The following SMAD4 variants were observed in gnomAD, a reference collection of about 807,000 sequenced individuals.
SMAD4 encodes SMAD family member 4.
Under a neutral mutation model 63.2 loss-of-function variants are expected in SMAD4, and 7 were observed. The ratio of observed to expected loss-of-function variants is 0.11; its 90% CI spans 0.06 to 0.21. The LOEUF (loss-of-function observed/expected upper bound fraction) is 0.21, where lower values mean the gene tolerates loss of function less well. Among genes scored for constraint, SMAD4 ranks in the 10% least tolerant of loss-of-function variants. SMAD4 has a pLI of 1.00. For synonymous variants in SMAD4, 215 were observed against 235.4 expected (o/e 0.91, Z 0.79); for missense variants, 312 against 693.8 (o/e 0.45, Z 6.18).
rs183888078 is a variant in SMAD4 at position 51,058,833 on chromosome 18, A to G, written c.904+377A>G. 2.0e-4 allele frequency among the ~76,000 whole-genome samples: 30 copies of G among 152,310 alleles called. No individual in the cohort carries two copies. In the East Asian group the frequency reaches 5.8e-3, roughly 29 times the overall value. The stretch of plus-strand genomic sequence containing the variant: ...CAAGGTTTCCCTCAGCGTAGTATTC[A>G]GTGTACTTTGGATAATGTTGAATCT... On this transcript the variant is annotated intron_variant, in intron 7 of 11. Coordinates refer to ENST00000342988, the MANE Select transcript of SMAD4 (RefSeq NM_005359.6).
chr18:51,055,548 C>T (rs12453988), intron 5 of SMAD4, among the ~76,000 whole-genome samples: 48,768 of 151,240 alleles, frequency 0.32, 8,498 homozygotes, highest in East Asian at 0.41. Context: ...AAAAGTGTTT[C>T]AGAAAGATCC....
chr18:51,032,582 G>A (rs1024824619), intron 1 of SMAD4, among the ~76,000 whole-genome samples: 5 of 152,028 alleles, frequency 3.3e-5, no homozygotes, highest in African/African-American at 1.2e-4. Flanking sequence ...TTCTTTTTCT[G>A]TATTCCCCTT....
At chr18:51,060,018 A>T in intron 8 of SMAD4, 102 bp downstream of exon 8, 1 of 836,924 alleles carries the variant, frequency 1.2e-6, no homozygotes, top group Non-Finnish European at 2.1e-6. Flanking sequence ...CACTTCTCAG[A>T]TGAGTACAAT....
chr18:51,069,139 C>T (rs766768862), intron 10 of SMAD4, among the ~76,000 whole-genome samples: 7 of 152,112 alleles, frequency 4.6e-5, no homozygotes, highest in Non-Finnish European at 7.4e-5. Flanking sequence ...ATTTTTGAGA[C>T]AGAGTCTTGC....
intron 5 of SMAD4, among the ~76,000 whole-genome samples, chr18:51,056,917 G>C (rs1399216301): frequency 6.6e-6 from 1 of 152,114 alleles, no homozygotes; most frequent in Non-Finnish European, 1.5e-5. Flanking sequence ...GACAATTTTT[G>C]TAAGTTAGCT....
chr18:51,040,047 T>G (rs1271148965), intron 1 of SMAD4, among the ~76,000 whole-genome samples: 1 of 152,222 alleles, frequency 6.6e-6, no homozygotes, highest in Non-Finnish European at 1.5e-5. Context: ...TTTTTTCCTG[T>G]TGGTAAACCT....
Position 51,058,236 on chromosome 18 carries a change from A to C in SMAD4, c.779A>C (p.Tyr260Ser), listed in dbSNP as rs1555685937. 6.2e-7 allele frequency: 1 copy of C among 1,614,220 alleles called. No homozygotes were observed. The highest frequency in any genetic ancestry group is 8.5e-7 in the Non-Finnish European group (1 of 1,180,032). ...QNGFTGQPAT[Y>S]HHNSTTTWTG... ...GGATTTACTGGTCAGCCAGCTACTT[A>C]CCATCATAGTATGTACATACTTTAA... The change falls in exon 6 of 12, where the codon TAC (tyrosine) becomes TCC (serine). Residue 260 changes from tyrosine to serine, a missense_variant. Around this residue, in one of 4 missense-constraint regions of SMAD4, gnomAD observed 169 missense variants for 211.0 expected, o/e 0.80. Transcript: ENST00000342988.
rs1030646158 is a variant in SMAD4, at chr18:51,083,655, C to G, written c.*5188C>G. On this transcript the variant is annotated 3_prime_UTR_variant, in exon 12 of 12. Coordinates refer to ENST00000342988, the MANE Select transcript of SMAD4 (RefSeq NM_005359.6). ...ACAGTTGCACTCTCTAGTTTGCCCTCTGCCACAAATTTGATGTGTGACCTT... is the reference window on the plus strand; with the variant it reads ...ACAGTTGCACTCTCTAGTTTGCCCTGTGCCACAAATTTGATGTGTGACCTT... 5 of 227,858 alleles carry G rather than the reference C, an allele frequency of 2.2e-5. No individual in the cohort carries two copies. Among genetic ancestry groups the G allele is most frequent in the African/African-American group, 1.1e-4 (5 of 45,064 alleles). The allele number at this position is 227,858 out of a possible 1,614,324, so 14.1% of individuals were successfully genotyped here. A position where few individuals can be genotyped will look rare whatever the true frequency, so the allele number is the denominator to read the frequency against.
intron 8 of SMAD4, among the ~76,000 whole-genome samples, chr18:51,062,727 G>T (rs185362853): frequency 6.6e-6 from 1 of 150,964 alleles, no homozygotes; most frequent in Admixed American, 6.6e-5. Flanking sequence ...TTGAACTCTT[G>T]GCCTCAAGTG....
intron 9 of SMAD4, 21 bp from the exon 10 acceptor site, chr18:51,066,998 A>G: frequency 6.3e-7 from 1 of 1,578,538 alleles, no homozygotes; most frequent in Non-Finnish European, 8.7e-7. Context: ...GATAAAATGT[A>G]ATTTCTTTTT....
In SMAD4 at chr18:51,047,351, C is replaced by G. The variant is rs1909575488; in HGVS notation, c.249+56C>G. On this transcript the variant is annotated intron_variant, in intron 2 of 11. Coordinates refer to ENST00000342988, the MANE Select transcript of SMAD4 (RefSeq NM_005359.6). The stretch of plus-strand genomic sequence containing the variant: ...CTATGGTGGCAGATTTAAAAACTTG[C>G]TACGTTTCCTTTCAAGCTACTACAG... The G allele has an allele frequency of 4.6e-6, 7 of 1,518,300 alleles. No individual in the cohort carries two copies. In the Admixed American group the frequency reaches 6.7e-5, roughly 14 times the overall value. The allele number at this position is 1,518,300 out of a possible 1,614,324, so 94.1% of individuals were successfully genotyped here.
At chr18:51,075,493 G>A (rs2144471148) in intron 10 of SMAD4, among the ~76,000 whole-genome samples, 1 of 152,240 alleles carries the variant, frequency 6.6e-6, no homozygotes. Flanking sequence ...TAAAAACAGT[G>A]GACATTGAGC....
At position 51,083,058 on chromosome 18, in the gene SMAD4, A is replaced by G. The variant is rs1910647632; in HGVS notation, c.*4591A>G. ...GTTTCAGGTAGTTGAGATAGAGAGAAGTGAGTCATATTCATATTTTCCCCC... is the reference window on the plus strand; with the variant it reads ...GTTTCAGGTAGTTGAGATAGAGAGAGGTGAGTCATATTCATATTTTCCCCC... On this transcript the variant is annotated 3_prime_UTR_variant, in exon 12 of 12. Coordinates refer to ENST00000342988, the MANE Select transcript of SMAD4 (RefSeq NM_005359.6). 4.4e-6 allele frequency: 1 copy of G among 225,124 alleles called. No homozygotes were observed. Among genetic ancestry groups the G allele is most frequent in the African/African-American group, 2.2e-5 (1 of 44,918 alleles). 13.9% of individuals were successfully genotyped at this position (225,124 alleles called of 1,614,324 possible).
chr18:51,076,031 C>G (rs72913266), intron 10 of SMAD4, among the ~76,000 whole-genome samples: 7,996 of 152,156 alleles, frequency 0.053, 256 homozygotes, highest in Non-Finnish European at 0.081. Context: ...GTCCCATATA[C>G]CCATCGCACG....
intron 8 of SMAD4, among the ~76,000 whole-genome samples, chr18:51,065,050 T>C (rs1910111104): frequency 6.6e-6 from 1 of 152,226 alleles, no homozygotes; most frequent in Non-Finnish European, 1.5e-5. Context: ...AATACCATGG[T>C]AAAATAATTT....
rs1050287813 is a variant in SMAD4, at chr18:51,054,413, T to A, written c.455-368T>A. On this transcript the variant is annotated intron_variant, in intron 4 of 11. Coordinates refer to ENST00000342988, the MANE Select transcript of SMAD4 (RefSeq NM_005359.6). ...AGACCGAATAATTGTTTTTCTCAGCTGGACACATTTTCCAGCCATTCGGTT... is the reference window on the plus strand; with the variant it reads ...AGACCGAATAATTGTTTTTCTCAGCAGGACACATTTTCCAGCCATTCGGTT... 1.1e-5 allele frequency: 3 copies of A among 273,520 alleles called. No homozygotes were observed. The Admixed American group carries it at 1.5e-4, about 14-fold the overall frequency. 16.9% of individuals were successfully genotyped at this position (273,520 alleles called of 1,614,324 possible). A position where few individuals can be genotyped will look rare whatever the true frequency, so the allele number is the denominator to read the frequency against.
intron 4 of SMAD4, chr18:51,051,505 T>A: frequency 2.4e-6 from 1 of 424,008 alleles, no homozygotes; most frequent in Non-Finnish European, 4.7e-6. Flanking sequence ...TTACCTTTCA[T>A]GAAACTTTCT....
chr18:51,051,342 T>C (rs1191622277), intron 4 of SMAD4: 4 of 456,214 alleles, frequency 8.8e-6, no homozygotes, highest in African/African-American at 6.0e-5. Context: ...CTTCAGTGTC[T>C]TATTTCCTCA....
At position 51,083,909 on chromosome 18, in the gene SMAD4, C is replaced by G. The variant is rs966971521; in HGVS notation, c.*5442C>G. The G allele has an allele frequency of 4.4e-6, 1 of 229,630 alleles. No homozygotes were observed. Among genetic ancestry groups the G allele is most frequent in the Non-Finnish European group, 8.6e-6 (1 of 115,750 alleles). 14.2% of individuals were successfully genotyped at this position (229,630 alleles called of 1,614,324 possible). ...TATTTTATTACTGTTCTTTTATGGA[C>G]AAAAGGTTACATAGTATGCCCTTAA... On this transcript the variant is annotated 3_prime_UTR_variant, in exon 12 of 12. Transcript: ENST00000342988.
Sources: allele counts gnomAD v4.1 joint callset (sites outside exome capture counted in the v4.1 genomes callset), GRCh38; gene constraint gnomAD v4.1.1; regional missense constraint gnomAD v4.1.1; transcripts MANE v1.5; gene names NCBI Gene and HGNC (gene_info 2026-07-23, HGNC 2026-07-21).